Variants in TMEM163 observed in about 807,000 individuals in gnomAD.
The protein encoded by TMEM163 is transmembrane protein 163.
TMEM163 carries 17 observed loss-of-function variants against 29.3 expected under a neutral mutation model. The observed-to-expected ratio is 0.58, with a 90% CI of 0.40 to 0.87. TMEM163 has a LOEUF of 0.87. Among genes scored for constraint, TMEM163 ranks in the 40% least tolerant of loss-of-function variants. TMEM163 has a pLI of 0.00. For missense variants in TMEM163, 303 were observed against 381.5 expected, an observed-to-expected ratio of 0.79 and a Z score of 1.71; for synonymous variants, 157 against 160.6, an observed-to-expected ratio of 0.98 and a Z score of 0.17.
chr2:134,695,380 T>C (rs1684556438), intron 2 of TMEM163, among the ~76,000 whole-genome samples: 1 of 151,682 alleles, frequency 6.6e-6, no homozygotes, highest in Non-Finnish European at 1.5e-5. Context: ...CCCGGGCAAA[T>C]TTTTAATCAA....
chr2:134,690,564 A>G (rs963635479), intron 2 of TMEM163, among the ~76,000 whole-genome samples: 1 of 152,234 alleles, frequency 6.6e-6, no homozygotes, highest in East Asian at 1.9e-4. Flanking sequence ...GATTACAGGC[A>G]TGAGCCACCG....
intron 5 of TMEM163, 50 bp from the exon 6 acceptor site, chr2:134,466,275 A>G (rs1686667837): frequency 6.8e-7 from 1 of 1,477,858 alleles, no homozygotes; most frequent in African/African-American, 1.4e-5. Flanking sequence ...GCTGGAGCAG[A>G]TCATCTGCAA....
At chr2:134,686,326 G>T (rs1279007033) in intron 2 of TMEM163, among the ~76,000 whole-genome samples, 1 of 152,202 alleles carries the variant, frequency 6.6e-6, no homozygotes, top group Non-Finnish European at 1.5e-5. Flanking sequence ...AATATGGGTT[G>T]CGAAGCCTGC....
At chr2:134,589,467 G>A (rs1445421610) in intron 2 of TMEM163, among the ~76,000 whole-genome samples, 1 of 152,168 alleles carries the variant, frequency 6.6e-6, no homozygotes, top group African/African-American at 2.4e-5. Context: ...AGTGACCTCT[G>A]GTCGTCCTCA....
chr2:134,511,156 G>GGT (rs1679938946), intron 4 of TMEM163, among the ~76,000 whole-genome samples: 1 of 150,920 alleles, frequency 6.6e-6, no homozygotes, highest in Admixed American at 6.6e-5. Flanking sequence ...AACAAGGCGG[G>GGT]GGGGGGTGCT....
intron 2 of TMEM163, among the ~76,000 whole-genome samples, chr2:134,678,850 T>C (rs1684173353): frequency 6.6e-6 from 1 of 152,250 alleles, no homozygotes; most frequent in Non-Finnish European, 1.5e-5. Context: ...ATAAAGCTAT[T>C]TTGTTCTAAC....
chr2:134,545,652 T>C (rs1461965258), intron 4 of TMEM163, among the ~76,000 whole-genome samples: 1 of 152,094 alleles, frequency 6.6e-6, no homozygotes, highest in Non-Finnish European at 1.5e-5. Context: ...ACATTCCTGG[T>C]AACTTAAATC....
chr2:134,570,861 G>GAGAA (rs1340481565), intron 2 of TMEM163, among the ~76,000 whole-genome samples: 1 of 152,196 alleles, frequency 6.6e-6, no homozygotes, highest in Non-Finnish European at 1.5e-5. Flanking sequence ...GGAGAGAAGA[G>GAGAA]AGAAAGGAGA....
chr2:134,534,010 T>C (rs1680474177), intron 4 of TMEM163, among the ~76,000 whole-genome samples: 1 of 152,192 alleles, frequency 6.6e-6, no homozygotes, highest in Non-Finnish European at 1.5e-5. Context: ...CACATCACCC[T>C]GCTCTGTTTC....
intron 4 of TMEM163, among the ~76,000 whole-genome samples, chr2:134,531,869 G>A (rs759729202): frequency 2.0e-4 from 30 of 152,176 alleles, no homozygotes; most frequent in Non-Finnish European, 4.3e-4. Flanking sequence ...GAGGCTGGGG[G>A]CTGGGGCTGG....
At chr2:134,618,340 G>C (rs1260211520) in intron 2 of TMEM163, among the ~76,000 whole-genome samples, 1 of 152,046 alleles carries the variant, frequency 6.6e-6, no homozygotes, top group African/African-American at 2.4e-5. Flanking sequence ...TAATTCAAAA[G>C]GGTCAATACA....
intron 2 of TMEM163, among the ~76,000 whole-genome samples, chr2:134,566,437 C>T (rs966484835): frequency 6.6e-6 from 1 of 152,124 alleles, no homozygotes; most frequent in African/African-American, 2.4e-5. Context: ...GTAGCACGTG[C>T]CTATAGTACC....
At chr2:134,483,055 G>T (rs529755613) in intron 5 of TMEM163, among the ~76,000 whole-genome samples, 4 of 152,244 alleles carry the variant, frequency 2.6e-5, no homozygotes, top group South Asian at 4.2e-4. Flanking sequence ...CACAGCAAAA[G>T]GTAAGGCAGC....
At chr2:134,553,610 C>T (rs1343838569) in intron 2 of TMEM163, among the ~76,000 whole-genome samples, 1 of 152,200 alleles carries the variant, frequency 6.6e-6, no homozygotes, top group African/African-American at 2.4e-5. Flanking sequence ...TGAAACTCAG[C>T]CATATTCAGG....
intron 4 of TMEM163, among the ~76,000 whole-genome samples, chr2:134,542,326 T>C (rs1197224976): frequency 6.6e-6 from 1 of 152,188 alleles, no homozygotes; most frequent in Non-Finnish European, 1.5e-5. Flanking sequence ...TTCTGAAAGA[T>C]GAATAAATCA....
rs577304791 is a variant in TMEM163, at chr2:134,462,793, C to T, written c.667+3321G>A. ...GGAATATCTATGTTAGGAAACAGCA[C>T]CAACCAAGTCACAGGGCCAGTGTTC... is the stretch of plus-strand genomic sequence containing the variant. On this transcript the variant is annotated intron_variant, in intron 6 of 7. Transcript: ENST00000281924. 5.3e-5 allele frequency among the ~76,000 whole-genome samples: 8 copies of T among 152,346 alleles called. No individual in the cohort carries two copies. The East Asian group carries it at 1.5e-3, about 29-fold the overall frequency.
At chr2:134,675,436 G>A (rs1253240086) in intron 2 of TMEM163, among the ~76,000 whole-genome samples, 1 of 152,280 alleles carries the variant, frequency 6.6e-6, no homozygotes, top group East Asian at 1.9e-4. Context: ...AATTTCCAGT[G>A]TGCCTGACCA....
intron 2 of TMEM163, among the ~76,000 whole-genome samples, chr2:134,711,276 C>A (rs1264797337): frequency 6.6e-6 from 1 of 152,170 alleles, no homozygotes; most frequent in Non-Finnish European, 1.5e-5. Flanking sequence ...AACACAATCA[C>A]AGACCATATC....
intron 2 of TMEM163, among the ~76,000 whole-genome samples, chr2:134,574,847 A>C (rs146433292): frequency 6.6e-6 from 1 of 152,154 alleles, no homozygotes; most frequent in Admixed American, 6.5e-5. Flanking sequence ...CAGGTGAGGG[A>C]TAGAGTGGCT....
Sources: gnomAD v4.1 joint callset for allele counts (sites outside exome capture counted in the v4.1 genomes callset) on GRCh38, gnomAD v4.1.1 for gene constraint, MANE v1.5 for transcripts, NCBI Gene and HGNC (gene_info 2026-07-23, HGNC 2026-07-21) for gene names.